Variants in SEL1L2 observed in about 807,000 individuals in gnomAD.
SEL1L2 encodes the protein protein sel-1 homolog 2.
In SEL1L2, 89 loss-of-function variants were observed where a neutral mutation model predicts 98.8. The observed-to-expected ratio is 0.90, with a 90% CI of 0.76 to 1.07. The LOEUF is 1.07. Ranked by LOEUF, SEL1L2 falls within the 50% of genes least tolerant of loss-of-function variation. The pLI, the probability that SEL1L2 is intolerant of heterozygous loss-of-function variation, is 0.00. For missense variants in SEL1L2, 788 were observed against 812.0 expected (o/e 0.97, Z 0.36); for synonymous variants, 262 against 278.5 (o/e 0.94, Z 0.59).
At chr20:13,857,631 C>T (rs1426080265) in intron 18 of SEL1L2, among the ~76,000 whole-genome samples, 1 of 152,150 alleles carries the variant, frequency 6.6e-6, no homozygotes, top group Non-Finnish European at 1.5e-5. Flanking sequence ...ATGGTGGTGC[C>T]AAGGATAGGA....
intron 10 of SEL1L2, among the ~76,000 whole-genome samples, chr20:13,880,559 C>T (rs2046646686): frequency 6.6e-6 from 1 of 152,070 alleles, no homozygotes; most frequent in African/African-American, 2.4e-5. Context: ...TATACACGAG[C>T]CAACCTGAGT....
At chr20:13,865,303 G>C in intron 16 of SEL1L2, 46 bp downstream of exon 16, 2 of 1,580,786 alleles carry the variant, frequency 1.3e-6, no homozygotes, top group Non-Finnish European at 1.7e-6. Flanking sequence ...AGTCATACAT[G>C]CATATGTATG....
intron 1 of SEL1L2, 117 bp downstream of exon 1, chr20:13,990,360 C>T (rs1197369684): frequency 1.4e-6 from 1 of 703,494 alleles, no homozygotes; most frequent in Non-Finnish European, 2.5e-6. Context: ...ACAAAAATGG[C>T]ATTAGTTAGG....
chr20:13,975,421 G>A (rs865796483), intron 1 of SEL1L2, among the ~76,000 whole-genome samples: 2 of 152,140 alleles, frequency 1.3e-5, no homozygotes, highest in South Asian at 2.1e-4. Flanking sequence ...AGGAAAATAC[G>A]CAGCACAGTC....
intron 2 of SEL1L2, among the ~76,000 whole-genome samples, chr20:13,947,315 C>T (rs2050060459): frequency 1.3e-5 from 2 of 152,000 alleles, no homozygotes; most frequent in African/African-American, 4.8e-5. Flanking sequence ...CTACCCATTC[C>T]ATATCTCCTC....
At chr20:13,881,238 T>G (rs1257755084) in intron 10 of SEL1L2, among the ~76,000 whole-genome samples, 1 of 152,178 alleles carries the variant, frequency 6.6e-6, no homozygotes, top group East Asian at 1.9e-4. Flanking sequence ...GGTCTCAATC[T>G]CTTGACCTCA....
intron 1 of SEL1L2, among the ~76,000 whole-genome samples, chr20:13,957,528 C>A (rs1487828320): frequency 6.6e-6 from 1 of 152,150 alleles, no homozygotes; most frequent in African/African-American, 2.4e-5. Flanking sequence ...GAACTGGTCC[C>A]AGATTGATTC....
chr20:13,869,442 G>T, intron 14 of SEL1L2, 61 bp downstream of exon 14: 1 of 1,230,204 alleles, frequency 8.1e-7, no homozygotes, highest in Non-Finnish European at 1.2e-6. Context: ...TGTTATAAAA[G>T]AAGCAGACTT....
chr20:13,975,131 G>T (rs2051475970), intron 1 of SEL1L2, among the ~76,000 whole-genome samples: 1 of 151,974 alleles, frequency 6.6e-6, no homozygotes, highest in Admixed American at 6.6e-5. Flanking sequence ...ATATAAATAA[G>T]ACTAGATGAC....
At chr20:13,937,087 TTAAA>T (rs1273153700) in intron 2 of SEL1L2, among the ~76,000 whole-genome samples, 1 of 152,238 alleles carries the variant, frequency 6.6e-6, no homozygotes, top group Non-Finnish European at 1.5e-5. Context: ...TTGTTTTTAC[TTAAA>T]TAGTTTTTAT....
intron 1 of SEL1L2, among the ~76,000 whole-genome samples, chr20:13,977,100 A>C (rs2051578773): frequency 6.6e-6 from 1 of 152,230 alleles, no homozygotes; most frequent in East Asian, 1.9e-4. Context: ...GTAACCTTGA[A>C]AACAAATGTT....
intron 5 of SEL1L2, among the ~76,000 whole-genome samples, chr20:13,899,827 A>G (rs1185098425): frequency 1.3e-5 from 2 of 152,218 alleles, no homozygotes; most frequent in Non-Finnish European, 2.9e-5. Context: ...TTAAGCTACA[A>G]AAATGTATTC....
intron 2 of SEL1L2, among the ~76,000 whole-genome samples, chr20:13,940,901 A>G (rs2049745244): frequency 6.6e-6 from 1 of 152,204 alleles, no homozygotes; most frequent in African/African-American, 2.4e-5. Context: ...CTCCATCTCA[A>G]AAAGAAAAAG....
chr20:13,866,938 G>T, intron 14 of SEL1L2, 88 bp from the exon 15 acceptor site: 2 of 1,250,354 alleles, frequency 1.6e-6, no homozygotes, highest in Non-Finnish European at 2.1e-6. Flanking sequence ...AGTGATGCCT[G>T]CTATTTAAAT....
chr20:13,876,005 G>T (rs766712310), intron 12 of SEL1L2, 33 bp downstream of exon 12: 2 of 1,507,262 alleles, frequency 1.3e-6, no homozygotes, highest in Non-Finnish European at 1.8e-6. Context: ...CAATTTGTGT[G>T]TATGTGTTTA....
chr20:13,888,633 C>CTAT, intron 5 of SEL1L2, 121 bp from the exon 6 acceptor site: 31 of 232,058 alleles, frequency 1.3e-4, no homozygotes, highest in East Asian at 2.2e-4. Flanking sequence ...TTCTTTCTTT[C>CTAT]TCTTTTTTTT....
intron 2 of SEL1L2, among the ~76,000 whole-genome samples, chr20:13,932,119 C>T (rs1017031380): frequency 1.4e-4 from 22 of 151,968 alleles, no homozygotes; most frequent in East Asian, 3.8e-4. Flanking sequence ...AAAATGAAGG[C>T]GTTGATATTG....
rs1407422145 is a variant in SEL1L2 at position 13,866,743 on chromosome 20, T to C, written c.1363A>G (p.Thr455Ala). Residue 455 changes from threonine to alanine, a missense_variant, in exon 15 of 20, where the codon ACA becomes GCA. Thr to Ala is a moderately conservative substitution (Grantham distance 58). Transcript: ENST00000284951. ...AIYYLAKMYA[T>A]GTGVVRSCRT... ...CATGATCTTACTACTCCTGTTCCTG[T>C]TGCATACATCTTGGCCAGATAATAA... 4 of 1,608,752 alleles carry C rather than the reference T, an allele frequency of 2.5e-6. No individual in the cohort carries two copies. Among genetic ancestry groups the C allele is most frequent in the Non-Finnish European group, 3.4e-6 (4 of 1,178,374 alleles).
At chr20:13,861,908 G>A (rs1373263124) in intron 17 of SEL1L2, among the ~76,000 whole-genome samples, 3 of 152,128 alleles carry the variant, frequency 2.0e-5, no homozygotes, top group Admixed American at 6.5e-5. Flanking sequence ...CTCTCCTAGA[G>A]GCCGTCTCCG....
Sources: gnomAD v4.1 joint callset for allele counts (sites outside exome capture counted in the v4.1 genomes callset) on GRCh38, gnomAD v4.1.1 for gene constraint, MANE v1.5 for transcripts, NCBI Gene and HGNC (gene_info 2026-07-23, HGNC 2026-07-21) for gene names.